The following CCDC106 variants were observed in gnomAD, a reference collection of about 807,000 sequenced individuals.
The protein encoded by CCDC106 is coiled-coil domain-containing protein 106.
A neutral mutation model predicts 24.7 loss-of-function variants in CCDC106; 17 were observed. The observed-to-expected ratio is 0.69, with a 90% CI of 0.47 to 1.03. The LOEUF (loss-of-function observed/expected upper bound fraction) is 1.03. Ranked by LOEUF, CCDC106 falls within the 50% of genes least tolerant of loss-of-function variation. CCDC106 has a pLI of 0.00. For synonymous variants in CCDC106, 211 were observed against 161.3 expected (o/e 1.31, Z -2.34); for missense variants, 337 against 388.9 (o/e 0.87, Z 1.12).
chr19:55,651,951 C>T (rs749394643), intron 4 of CCDC106, among the ~76,000 whole-genome samples: 5 of 152,118 alleles, frequency 3.3e-5, no homozygotes, highest in South Asian at 4.1e-4. Context: ...CGTGAGCCAC[C>T]GCGCATGGCC....
Position 55,649,386 on chromosome 19 carries a change from C to T in CCDC106, c.137-22C>T, listed in dbSNP as rs376647319. 2.5e-6 allele frequency: 4 copies of T among 1,613,688 alleles called. No individual in the cohort carries two copies. In the African/African-American group the frequency reaches 5.3e-5, roughly 22 times the overall value. On this transcript the variant is annotated intron_variant, in intron 2 of 4. Coordinates refer to ENST00000586790, the MANE Select transcript of CCDC106 (RefSeq NM_001370470.1). ...GAGTCCCAGGGTGTGACCTGGTCCCCCCACCCTCGCTGTGTCCCTAGAGCC... is the reference window on the plus strand; with the variant it reads ...GAGTCCCAGGGTGTGACCTGGTCCCTCCACCCTCGCTGTGTCCCTAGAGCC...
rs1248276342 is a variant in CCDC106 at position 55,652,468 on chromosome 19, A to G, written c.565A>G (p.Ile189Val). 3 of 1,609,776 alleles carry G rather than the reference A, an allele frequency of 1.9e-6. No homozygotes were observed. Among genetic ancestry groups the G allele is most frequent in the African/African-American group, 1.3e-5 (1 of 74,636 alleles). ...CGGGGTCCTCTGCCGGTACAAGAAG[A>G]TCCTGGGCACCTTCCAGAAGCTCAA... ...ADGVLCRYKKILGTFQKLKSM... is the reference protein window; with the variant it reads ...ADGVLCRYKKVLGTFQKLKSM... Residue 189 changes from isoleucine to valine, a missense_variant, in exon 5 of 5, where the codon ATC becomes GTC. Coordinates refer to ENST00000586790, the MANE Select transcript of CCDC106 (RefSeq NM_001370470.1). The surrounding 1 kb of genome is among the most constrained non-coding windows in gnomAD (Gnocchi z 5.9).
chr19:55,652,626 G>GC lies in CCDC106; in HGVS notation c.724dup (p.Arg242ProfsTer82). ...TGGGCGAGTTCGACCCCTCCAAGGA[G>GC]CGCCTGCTCGAGTACTCCCGCCGCT... is the stretch of plus-strand genomic sequence containing the variant. On this transcript the variant is annotated frameshift_variant, in exon 5 of 5. Transcript: ENST00000586790. LOFTEE classifies it high-confidence loss of function. This position sits in a 1 kb window ranked among gnomAD's most constrained non-coding sequence, Gnocchi z 5.9. The GC allele has an allele frequency of 6.2e-7, 1 of 1,612,844 alleles. No individual in the cohort carries two copies. The highest frequency in any genetic ancestry group is 1.1e-5 in the South Asian group (1 of 91,068).
intron 3 of CCDC106, among the ~76,000 whole-genome samples, chr19:55,649,864 G>A (rs550590939): frequency 2.0e-5 from 3 of 152,040 alleles, no homozygotes; most frequent in Non-Finnish European, 4.4e-5. Flanking sequence ...CTGCTTCCTT[G>A]GCCCATGGTG....
At chr19:55,651,203 G>A in intron 3 of CCDC106, 80 bp from the exon 4 acceptor site, 2 of 1,107,502 alleles carry the variant, frequency 1.8e-6, no homozygotes, top group Non-Finnish European at 2.8e-6. Flanking sequence ...CCAGTTCGGG[G>A]ACTGCAGCCT....
At chr19:55,651,224 C>G in intron 3 of CCDC106, 59 bp from the exon 4 acceptor site, 1 of 1,328,620 alleles carries the variant, frequency 7.5e-7, no homozygotes, top group Non-Finnish European at 1.1e-6. Context: ...CTCTCAGTCC[C>G]GGGACCTGTG....
Sources: gnomAD v4.1 joint callset for allele counts (sites outside exome capture counted in the v4.1 genomes callset) on GRCh38, gnomAD v4.1.1 for gene constraint, Gnocchi (gnomAD v3.1) non-coding constraint, MANE v1.5 for transcripts, NCBI Gene and HGNC (gene_info 2026-07-23, HGNC 2026-07-21) for gene names.